The following FSIP2 variants were observed in gnomAD, a reference collection of about 807,000 sequenced individuals.
FSIP2 encodes the protein fibrous sheath interacting protein 2.
In FSIP2, 367 loss-of-function variants were observed where a neutral mutation model predicts 510.5. The ratio of observed to expected loss-of-function variants is 0.72; its 90% CI spans 0.66 to 0.78. The LOEUF (loss-of-function observed/expected upper bound fraction) is 0.78, where lower values mean the gene tolerates loss of function less well. Among genes scored for constraint, FSIP2 ranks in the 30% least tolerant of loss-of-function variants. The pLI, the probability that FSIP2 is intolerant of heterozygous loss-of-function variation, is 0.00. For synonymous variants in FSIP2, 2,601 were observed against 2,732.2 expected (o/e 0.95, Z 1.50); for missense variants, 7,594 against 7,901.7 (o/e 0.96, Z 1.48).
Position 185,795,732 on chromosome 2 carries a change from T to G in FSIP2, c.8596T>G (p.Leu2866Val). 6.5e-7 allele frequency: 1 copy of G among 1,533,048 alleles called. No individual in the cohort carries two copies. Among genetic ancestry groups the G allele is most frequent in the Non-Finnish European group, 8.7e-7 (1 of 1,145,240 alleles). The allele number at this position is 1,533,048 out of a possible 1,614,324, so 95.0% of individuals were successfully genotyped here. A position where few individuals can be genotyped will look rare whatever the true frequency, so the allele number is the denominator to read the frequency against. ...CKLLMIAENV[L>V]TEISIKAKEL... ...GCTATTGATGATAGCTGAAAATGTT[T>G]TGACTGAAATTTCAATAAAAGCAAA... is the stretch of plus-strand genomic sequence containing the variant. The change falls in exon 16 of 23, where the codon TTG (leucine) becomes GTG (valine). Residue 2866 changes from leucine to valine, a missense_variant. Leu to Val is a conservative substitution (Grantham distance 32). Transcript: ENST00000424728.
chr2:185,744,653 T>A (rs929403659), intron 4 of FSIP2: 1 of 170,742 alleles, frequency 5.9e-6, no homozygotes, highest in Non-Finnish European at 1.2e-5. Context: ...CATAATTCAA[T>A]AACTAAATTG....
chr2:185,800,180 T>C lies in FSIP2; in HGVS notation c.10874T>C (p.Phe3625Ser). ...AAAGAAATAGAAGTAGATTATCACT[T>C]TGAAAGCAATGTAAGAAACAAATCA... ...LSKEIEVDYH[F>S]ESNVRNKSFS... The change falls in exon 17 of 23, where the codon TTT becomes TCT. Residue 3625 changes from phenylalanine (F) to serine (S), a missense_variant. Coordinates refer to ENST00000424728, the MANE Select transcript of FSIP2 (RefSeq NM_173651.4). The C allele has an allele frequency of 1.3e-6, 2 of 1,532,766 alleles. No individual in the cohort carries two copies. The highest frequency in any genetic ancestry group is 1.7e-6 in the Non-Finnish European group (2 of 1,145,116). The allele number at this position is 1,532,766 out of a possible 1,614,324, so 94.9% of individuals were successfully genotyped here.
chr2:185,760,621 T>C (rs552461561), intron 9 of FSIP2, among the ~76,000 whole-genome samples: 2 of 150,462 alleles, frequency 1.3e-5, no homozygotes, highest in East Asian at 1.9e-4. Flanking sequence ...AGCCATACAA[T>C]AGAATTCTTC....
In FSIP2 at chr2:185,806,156, A is replaced by G; in HGVS notation, c.16850A>G (p.Glu5617Gly). ...AAAAAGAAGATTGACAATGCAAGGG[A>G]AAGCTCATTTAAAAAAGATGACAAG... ...GYKKKIDNAR[E>G]SSFKKDDKLF... The change falls in exon 17 of 23, where the codon GAA becomes GGA. Residue 5617 changes from glutamate to glycine, a missense_variant. Coordinates refer to ENST00000424728, the MANE Select transcript of FSIP2 (RefSeq NM_173651.4). 6.3e-7 allele frequency: 1 copy of G among 1,582,124 alleles called. No individual in the cohort carries two copies. The highest frequency in any genetic ancestry group is 8.5e-7 in the Non-Finnish European group (1 of 1,169,764).
At chr2:185,765,082 G>A (rs1692438249) in intron 13 of FSIP2, 1 of 151,884 alleles carries the variant, frequency 6.6e-6, no homozygotes, top group African/African-American at 2.4e-5. Flanking sequence ...CGGTACAGAT[G>A]GTCCCCAACT....
At chr2:185,782,814 A>G in intron 14 of FSIP2, 52 bp downstream of exon 14, 1 of 924,708 alleles carries the variant, frequency 1.1e-6, no homozygotes, top group East Asian at 2.6e-5. Context: ...ATGATTACAT[A>G]AGAGTGCTGC....
chr2:185,739,177 C>T (rs1574148464), intron 1 of FSIP2, 169 bp from the exon 2 acceptor site: 3 of 1,132,910 alleles, frequency 2.6e-6, no homozygotes, highest in South Asian at 1.6e-5. Flanking sequence ...CTGGCAGGCG[C>T]GGGACGCCAG....
chr2:185,797,672 C>T, intron 16 of FSIP2, 146 bp downstream of exon 16: 1 of 737,864 alleles, frequency 1.4e-6, no homozygotes, highest in Non-Finnish European at 2.3e-6. Flanking sequence ...CTGAGTTGCA[C>T]TTTAATTTTA....
In FSIP2 at chr2:185,801,457, T is replaced by A; in HGVS notation, c.12151T>A (p.Tyr4051Asn). The part of the protein sequence containing the change: ...ETVSKIVDSV[Y>N]YDVLQQYELK... The stretch of plus-strand genomic sequence containing the variant: ...TGTTAGCAAAATTGTTGACTCAGTT[T>A]ATTATGATGTTTTACAGCAGTATGA... The change falls in exon 17 of 23, where the codon TAT becomes AAT. Residue 4051 changes from tyrosine to asparagine, a missense_variant. Tyr to Asn is a moderately radical substitution (Grantham distance 143). Coordinates refer to ENST00000424728, the MANE Select transcript of FSIP2 (RefSeq NM_173651.4). 6.5e-7 allele frequency: 1 copy of A among 1,533,916 alleles called. No individual in the cohort carries two copies. The highest frequency in any genetic ancestry group is 8.7e-7 in the Non-Finnish European group (1 of 1,145,476).
At chr2:185,752,462 C>T (rs1017722416) in intron 7 of FSIP2, among the ~76,000 whole-genome samples, 15 of 151,140 alleles carry the variant, frequency 9.9e-5, no homozygotes, top group South Asian at 2.1e-4. Flanking sequence ...TGTGGGTTTA[C>T]GGTTTTCATC....
At position 185,803,561 on chromosome 2, in the gene FSIP2, C is replaced by A. The variant is rs767011051; in HGVS notation, c.14255C>A (p.Pro4752His). 1.3e-6 allele frequency: 2 copies of A among 1,532,760 alleles called. No homozygotes were observed. Among genetic ancestry groups the A allele is most frequent in the Admixed American group, 3.9e-5 (2 of 50,776 alleles). 94.9% of individuals were successfully genotyped at this position (1,532,760 alleles called of 1,614,324 possible). A position where few individuals can be genotyped will look rare whatever the true frequency, so the allele number is the denominator to read the frequency against. The change falls in exon 17 of 23, where the codon CCT (proline) becomes CAT (histidine). Residue 4752 changes from proline (P) to histidine (H), a missense_variant. By Grantham distance (77) the Pro-to-His change is moderately conservative. Coordinates refer to ENST00000424728, the MANE Select transcript of FSIP2 (RefSeq NM_173651.4). ...CATCCAGATCTTATAGCAAATCTGCCTTTTAAATCACATTCCAAACTCAGT... is the reference window on the plus strand; with the variant it reads ...CATCCAGATCTTATAGCAAATCTGCATTTTAAATCACATTCCAAACTCAGT... ...QIHPDLIANL[P>H]FKSHSKLSAN... is the part of the protein sequence containing the mutation.
rs770689775 is a variant in FSIP2, at chr2:185,804,106, C to A, written c.14800C>A (p.Pro4934Thr). 6.6e-7 allele frequency: 1 copy of A among 1,526,384 alleles called. No individual in the cohort carries two copies. The highest frequency in any genetic ancestry group is 1.2e-5 in the South Asian group (1 of 82,002). 94.6% of individuals were successfully genotyped at this position (1,526,384 alleles called of 1,614,324 possible). A position where few individuals can be genotyped will look rare whatever the true frequency, so the allele number is the denominator to read the frequency against. The change falls in exon 17 of 23, where the codon CCT (proline) becomes ACT (threonine). Residue 4934 changes from proline to threonine, a missense_variant. Coordinates refer to ENST00000424728, the MANE Select transcript of FSIP2 (RefSeq NM_173651.4). ...AACTTATAAATTGAAAGCAATAGAT[C>A]CTAAACAAAGAGAATTATCTTTTAT... is the stretch of plus-strand genomic sequence containing the variant. ...DQTYKLKAIDPKQRELSFIVN... is the reference protein window; with the variant it reads ...DQTYKLKAIDTKQRELSFIVN...
intron 14 of FSIP2, chr2:185,783,589 G>A (rs969967867): frequency 6.6e-6 from 1 of 152,084 alleles, no homozygotes; most frequent in Non-Finnish European, 1.5e-5. Flanking sequence ...ATATCAGTTT[G>A]TTTGACTTAT....
chr2:185,811,943 G>A (rs754367061), intron 17 of FSIP2, among the ~76,000 whole-genome samples: 2 of 152,114 alleles, frequency 1.3e-5, no homozygotes, highest in South Asian at 4.1e-4. Context: ...TGCATGCCCA[G>A]GCAGAAGCCT....
chr2:185,738,686 T>C, upstream of FSIP2: 1 of 1,536,078 alleles, frequency 6.5e-7, no homozygotes, highest in Non-Finnish European at 8.7e-7. Flanking sequence ...TTCCCAGCTC[T>C]GCGGGCGCTC....
intron 13 of FSIP2, chr2:185,765,536 G>A (rs1692453526): frequency 6.6e-6 from 1 of 151,960 alleles, no homozygotes; most frequent in African/African-American, 2.4e-5. Flanking sequence ...ATGCTGTTTT[G>A]GTTACTGTAG....
At chr2:185,741,319 C>G (rs1240094723) in intron 2 of FSIP2, among the ~76,000 whole-genome samples, 1 of 152,124 alleles carries the variant, frequency 6.6e-6, no homozygotes, top group African/African-American at 2.4e-5. Flanking sequence ...GAAGAATTTT[C>G]TCTTTCAGTG....
At chr2:185,781,787 A>AT (rs1019017174) in intron 13 of FSIP2, among the ~76,000 whole-genome samples, 8 of 151,766 alleles carry the variant, frequency 5.3e-5, no homozygotes, top group African/African-American at 9.7e-5. Context: ...CACAGAAGAG[A>AT]TTTTTTGTAT....
At chr2:185,747,230 A>C in intron 6 of FSIP2, 83 bp from the exon 7 acceptor site, 1 of 755,076 alleles carries the variant, frequency 1.3e-6, no homozygotes. Context: ...TGACTTGTTT[A>C]ATATACTTTT....
Sources: gnomAD v4.1 joint callset for allele counts (sites outside exome capture counted in the v4.1 genomes callset) on GRCh38, gnomAD v4.1.1 for gene constraint, MANE v1.5 for transcripts, NCBI Gene and HGNC (gene_info 2026-07-23, HGNC 2026-07-21) for gene names.